The following GNE variants were observed in gnomAD, a reference collection of about 807,000 sequenced individuals.
GNE encodes the protein glucosamine (UDP-N-acetyl)-2-epimerase/N-acetylmannosamine kinase.
In GNE, 41 loss-of-function variants were observed where a neutral mutation model predicts 61.8. That is an observed-to-expected ratio of 0.66 (90% CI 0.52 to 0.86). The LOEUF (loss-of-function observed/expected upper bound fraction) is 0.86, where lower values mean the gene tolerates loss of function less well. Among genes scored for constraint, GNE ranks in the 40% least tolerant of loss-of-function variants. The pLI is 0.00. For synonymous variants in GNE, 264 were observed against 326.4 expected, an observed-to-expected ratio of 0.81 and a Z score of 2.06; for missense variants, 608 against 909.1, an observed-to-expected ratio of 0.67 and a Z score of 4.26.
chr9:36,254,946 C>A (rs1038886284), intron 1 of GNE, among the ~76,000 whole-genome samples: 2 of 151,962 alleles, frequency 1.3e-5, no homozygotes, highest in Admixed American at 6.6e-5. Context: ...GAGTGAGATT[C>A]CATCTCAAAA....
intron 5 of GNE, 26 bp from the exon 6 acceptor site, chr9:36,229,134 A>G (rs72731418): frequency 8.3e-6 from 10 of 1,210,588 alleles, no homozygotes; most frequent in Non-Finnish European, 1.2e-5. Flanking sequence ...GACACATTAC[A>G]AGGATTTGGA....
At chr9:36,242,102 C>T (rs541343630) in intron 3 of GNE, among the ~76,000 whole-genome samples, 23 of 151,876 alleles carry the variant, frequency 1.5e-4, no homozygotes, top group African/African-American at 5.6e-4. Context: ...CGCTAATGCA[C>T]TCCAGCCTAG....
At chr9:36,239,905 TTTTAA>T (rs1389373311) in intron 3 of GNE, among the ~76,000 whole-genome samples, 3 of 151,996 alleles carry the variant, frequency 2.0e-5, no homozygotes, top group Non-Finnish European at 2.9e-5. Context: ...TTTTATTTTA[TTTTAA>T]TTTAATTTTG....
At chr9:36,222,293 C>T (rs932855284) in intron 9 of GNE, among the ~76,000 whole-genome samples, 93 of 151,206 alleles carry the variant, frequency 6.2e-4, no homozygotes, top group African/African-American at 2.2e-3. Context: ...GTGGCGGGCG[C>T]CTGTAGTCCC....
Position 36,255,230 on chromosome 9 carries a change from C to T in GNE, c.-43+3091G>A, listed in dbSNP as rs529222892. 6.1e-3 allele frequency among the ~76,000 whole-genome samples: 925 copies of T among 152,016 alleles called. 10 individuals carry two copies. Among genetic ancestry groups the T allele is most frequent in the African/African-American group, 0.021 (854 of 41,472 alleles). On this transcript the variant is annotated intron_variant, in intron 1 of 11. Transcript: ENST00000642385. Reference sequence around the variant, plus strand: ...ACAGTATTTTTCTTTTTTCTTGAGACGGAGTGTCACTCTGTTGCCCAGGCT... The same window carrying T: ...ACAGTATTTTTCTTTTTTCTTGAGATGGAGTGTCACTCTGTTGCCCAGGCT...
intron 1 of GNE, among the ~76,000 whole-genome samples, chr9:36,257,801 TCAAAAAAA>T (rs1648194892): frequency 1.9e-4 from 1 of 5,374 alleles, no homozygotes; most frequent in African/African-American, 7.1e-4. Flanking sequence ...AGACTCAGTC[TCAAAAAAA>T]AAAAAAAAAA....
intron 1 of GNE, among the ~76,000 whole-genome samples, chr9:36,256,771 C>G (rs908431298): frequency 6.6e-6 from 1 of 152,174 alleles, no homozygotes; most frequent in African/African-American, 2.4e-5. Context: ...ATTTGCTGAG[C>G]GCTTCTGAAG....
intron 1 of GNE, chr9:36,265,431 G>C (rs1045285070): frequency 2.2e-6 from 1 of 456,640 alleles, no homozygotes; most frequent in South Asian, 1.5e-5. Context: ...GGAGATGGAA[G>C]GGAGTCAAGG....
In GNE at chr9:36,215,193, G is replaced by C. The variant is rs1422192996; in HGVS notation, c.*2172C>G. The C allele has an allele frequency of 1.3e-5, 2 of 152,118 alleles. No individual in the cohort carries two copies. The highest frequency in any genetic ancestry group is 1.3e-4 in the Admixed American group (2 of 15,262). 9.4% of individuals were successfully genotyped at this position (152,118 alleles called of 1,614,324 possible). On this transcript the variant is annotated 3_prime_UTR_variant, in exon 12 of 12. Transcript: ENST00000642385. The stretch of plus-strand genomic sequence containing the variant: ...CAAAAAAAAATCAGCCGGGCGTGGT[G>C]CATGTGCCTGTAATCCCAGCTACTC...
At chr9:36,222,744 G>T in intron 9 of GNE, 33 bp downstream of exon 9, 2 of 1,376,998 alleles carry the variant, frequency 1.5e-6, no homozygotes, top group Non-Finnish European at 2.1e-6. Flanking sequence ...ATACATTCTA[G>T]CTCCTGAACC....
At chr9:36,254,976 A>G (rs544732777) in intron 1 of GNE, among the ~76,000 whole-genome samples, 9 of 152,176 alleles carry the variant, frequency 5.9e-5, no homozygotes, top group African/African-American at 2.2e-4. Context: ...TGGGTTTCTC[A>G]GATTGCCAGT....
At chr9:36,268,903 G>C (rs1027364011) in intron 1 of GNE, among the ~76,000 whole-genome samples, 7 of 152,106 alleles carry the variant, frequency 4.6e-5, no homozygotes, top group African/African-American at 1.7e-4. Context: ...GCCAAAGTGG[G>C]TGGATTACCT....
At position 36,221,355 on chromosome 9, in the gene GNE, G is replaced by T. The variant is rs937402979; in HGVS notation, c.1634-1335C>A. Among the ~76,000 whole-genome samples the T allele has an allele frequency of 3.9e-5, 6 of 152,090 alleles. No homozygotes were observed. In the East Asian group the frequency reaches 1.2e-3, roughly 29 times the overall value. On this transcript the variant is annotated intron_variant, in intron 9 of 11. Coordinates refer to ENST00000642385, the MANE Select transcript of GNE (RefSeq NM_005476.7). The stretch of plus-strand genomic sequence containing the variant: ...AGTACATGAGCTTAAAGGGATAGTG[G>T]TGTAATGTAGAGTTTAAGCACATAC...
intron 1 of GNE, among the ~76,000 whole-genome samples, chr9:36,272,644 AAG>A (rs1831076517): frequency 1.4e-5 from 2 of 144,696 alleles, no homozygotes; most frequent in South Asian, 2.2e-4. Flanking sequence ...AAAAAAAAAA[AAG>A]AACTACAGAA....
chr9:36,250,336 C>T (rs1830064555), intron 1 of GNE, among the ~76,000 whole-genome samples: 1 of 152,164 alleles, frequency 6.6e-6, no homozygotes, highest in African/African-American at 2.4e-5. Context: ...ACACCAGTGC[C>T]AACAAAACTG....
intron 9 of GNE, among the ~76,000 whole-genome samples, 159 bp downstream of exon 9, chr9:36,222,618 C>G (rs1587283767): frequency 6.6e-6 from 1 of 152,240 alleles, no homozygotes; most frequent in East Asian, 1.9e-4. Flanking sequence ...ATGTCTAAGG[C>G]TGGGCACATG....
At position 36,249,410 on chromosome 9, in the gene GNE, A is replaced by G; in HGVS notation, c.-42-13T>C. The G allele has an allele frequency of 6.4e-7, 1 of 1,564,712 alleles. No homozygotes were observed. The highest frequency in any genetic ancestry group is 8.8e-7 in the Non-Finnish European group (1 of 1,139,426). On this transcript the variant is annotated splice_polypyrimidine_tract_variant and intron_variant, in intron 1 of 11. Coordinates refer to ENST00000642385, the MANE Select transcript of GNE (RefSeq NM_005476.7). ...TAAAATAGAGTTCCTGAAATTGCCAAAATAAAAACTTTATAATCAGAATAA... is the reference window on the plus strand; with the variant it reads ...TAAAATAGAGTTCCTGAAATTGCCAGAATAAAAACTTTATAATCAGAATAA...
At chr9:36,223,203 T>C (rs1828687718) in intron 8 of GNE, among the ~76,000 whole-genome samples, 170 bp downstream of exon 8, 1 of 152,224 alleles carries the variant, frequency 6.6e-6, no homozygotes, top group African/African-American at 2.4e-5. Flanking sequence ...GCTTCTCTCC[T>C]AATGCTTGTT....
intron 1 of GNE, among the ~76,000 whole-genome samples, chr9:36,252,485 G>A (rs1830146281): frequency 6.6e-6 from 1 of 151,968 alleles, no homozygotes; most frequent in South Asian, 2.1e-4. Flanking sequence ...GTTCCATCTG[G>A]CAGTACTAAA....
Sources: allele counts gnomAD v4.1 joint callset (sites outside exome capture counted in the v4.1 genomes callset), GRCh38; gene constraint gnomAD v4.1.1; transcripts MANE v1.5; gene names NCBI Gene and HGNC (gene_info 2026-07-23, HGNC 2026-07-21).